The following COL11A1 variants were observed in gnomAD, a reference collection of about 807,000 sequenced individuals.
COL11A1 encodes collagen alpha-1(XI) chain.
In COL11A1, 74 loss-of-function variants were observed where a neutral mutation model predicts 265.2. The observed-to-expected ratio is 0.28, with a 90% CI of 0.23 to 0.34. COL11A1 has a LOEUF of 0.34. Ranked by LOEUF, COL11A1 falls within the 10% of genes least tolerant of loss-of-function variation. The pLI is 1.00. For synonymous variants in COL11A1, 816 were observed against 727.6 expected (o/e 1.12, Z -1.96); for missense variants, 2,165 against 2,263.6 (o/e 0.96, Z 0.88).
intron 55 of COL11A1, 39 bp from the exon 56 acceptor site, chr1:102,898,812 G>T (rs1557790188): frequency 6.4e-7 from 1 of 1,567,236 alleles, no homozygotes; most frequent in Admixed American, 1.7e-5. Flanking sequence ...TTAGTGATGA[G>T]AAAATACTTT....
intron 46 of COL11A1, 76 bp downstream of exon 46, chr1:102,934,371 CTT>C: frequency 1.9e-6 from 2 of 1,030,680 alleles, no homozygotes; most frequent in Admixed American, 3.8e-5. Context: ...GAAAAAAATA[CTT>C]TGTTTTACAT....
At chr1:102,987,332 T>C (rs1248636253) in intron 30 of COL11A1, among the ~76,000 whole-genome samples, 1 of 151,298 alleles carries the variant, frequency 6.6e-6, no homozygotes, top group Non-Finnish European at 1.5e-5. Flanking sequence ...TTTGCTTTAG[T>C]GTATATAATG....
rs747240373 is a variant in COL11A1, at chr1:102,998,372, GA to G, written c.2143-10del. The G allele has an allele frequency of 1.1e-3, 1,593 of 1,447,858 alleles. 1 individual carries two copies. The highest frequency in any genetic ancestry group is 2.0e-3 in the South Asian group (145 of 73,234). The allele number at this position is 1,447,858 out of a possible 1,614,324, so 89.7% of individuals were successfully genotyped here. ...GGTTTTCCTTGTGGTCCCTTATAGAGAAAAAAAAAATATTAAAAAGATAAAA... is the reference window on the plus strand; with the variant it reads ...GGTTTTCCTTGTGGTCCCTTATAGAGAAAAAAAAATATTAAAAAGATAAAA... On this transcript the variant is annotated splice_polypyrimidine_tract_variant and intron_variant, in intron 24 of 66. Transcript: ENST00000370096.
intron 1 of COL11A1, among the ~76,000 whole-genome samples, chr1:103,104,737 G>A (rs191236950): frequency 3.3e-3 from 501 of 152,268 alleles, no homozygotes; most frequent in Admixed American, 6.1e-3. Flanking sequence ...TTATAGTCCT[G>A]ATCAATTTTG....
At chr1:103,031,031 A>G in intron 5 of COL11A1, 85 bp downstream of exon 5, 1 of 1,449,828 alleles carries the variant, frequency 6.9e-7, no homozygotes, top group Non-Finnish European at 9.6e-7. Flanking sequence ...ATTAAAATGG[A>G]ATAAATAAGT....
intron 8 of COL11A1, among the ~76,000 whole-genome samples, 155 bp from the exon 9 acceptor site, chr1:103,021,924 TGCAA>T (rs940667747): frequency 2.6e-5 from 4 of 151,696 alleles, no homozygotes; most frequent in Non-Finnish European, 5.9e-5. Context: ...CTCCGCTCAC[TGCAA>T]GCTCGCCTGC....
At chr1:103,048,562 C>T (rs1669511404) in intron 4 of COL11A1, among the ~76,000 whole-genome samples, 1 of 152,064 alleles carries the variant, frequency 6.6e-6, no homozygotes, top group African/African-American at 2.4e-5. Flanking sequence ...CCTGGACTCA[C>T]TGATTTTTTG....
At chr1:102,991,442 C>T (rs1481861671) in intron 28 of COL11A1, among the ~76,000 whole-genome samples, 2 of 151,428 alleles carry the variant, frequency 1.3e-5, no homozygotes, top group African/African-American at 2.4e-5. Flanking sequence ...CCCTTCACCA[C>T]GTGATCTAGC....
intron 42 of COL11A1, among the ~76,000 whole-genome samples, chr1:102,943,204 G>A (rs948288749): frequency 3.3e-5 from 5 of 151,854 alleles, no homozygotes; most frequent in African/African-American, 1.2e-4. Context: ...TTTTTCTATG[G>A]GTTCCATGCC....
intron 46 of COL11A1, among the ~76,000 whole-genome samples, chr1:102,928,455 A>T (rs991055432): frequency 1.3e-5 from 2 of 152,128 alleles, no homozygotes; most frequent in Admixed American, 6.5e-5. Flanking sequence ...GCTGCATAGT[A>T]TTTCATGGTG....
intron 24 of COL11A1, chr1:103,001,691 G>C (rs1056903382): frequency 2.1e-5 from 12 of 570,996 alleles, no homozygotes; most frequent in African/African-American, 9.4e-5. Context: ...ACATAGCTGA[G>C]AATGCCACAT....
At chr1:102,927,550 G>A (rs183085157) in intron 46 of COL11A1, among the ~76,000 whole-genome samples, 25 of 152,142 alleles carry the variant, frequency 1.6e-4, no homozygotes, top group African/African-American at 5.3e-4. Context: ...CCCCGTCTCC[G>A]GAGAATGGCA....
intron 27 of COL11A1, 36 bp from the exon 28 acceptor site, chr1:102,995,944 C>T (rs2101793564): frequency 2.5e-6 from 4 of 1,611,694 alleles, no homozygotes; most frequent in Non-Finnish European, 3.4e-6. Flanking sequence ...GTGAATATAA[C>T]ATTTCACTTT....
At chr1:103,039,987 C>T (rs1668678109) in intron 4 of COL11A1, among the ~76,000 whole-genome samples, 1 of 151,906 alleles carries the variant, frequency 6.6e-6, no homozygotes, top group Admixed American at 6.6e-5. Context: ...CCCCTCAGTC[C>T]ACTGAAGAAA....
intron 4 of COL11A1, among the ~76,000 whole-genome samples, chr1:103,035,703 T>A (rs535644378): frequency 6.6e-6 from 1 of 152,044 alleles, no homozygotes; most frequent in Admixed American, 6.6e-5. Context: ...AAAATATTCA[T>A]CTAGACAACC....
intron 4 of COL11A1, among the ~76,000 whole-genome samples, chr1:103,046,281 TTTAA>T (rs1335203210): frequency 2.2e-4 from 10 of 45,850 alleles, no homozygotes; most frequent in East Asian, 9.2e-4. Context: ...CCAGCACCTT[TTTAA>T]TGATTGCCAT....
chr1:103,035,615 C>T (rs949644618), intron 4 of COL11A1, among the ~76,000 whole-genome samples: 2 of 151,904 alleles, frequency 1.3e-5, no homozygotes, highest in African/African-American at 4.8e-5. Flanking sequence ...ATGTAATATG[C>T]TAGTATGTCC....
intron 6 of COL11A1, 187 bp from the exon 7 acceptor site, chr1:103,025,800 C>T (rs768645535): frequency 6.2e-7 from 1 of 1,612,908 alleles, no homozygotes; most frequent in African/African-American, 1.3e-5. Context: ...TCTTCGCTAC[C>T]TTTACCCCTA....
At chr1:102,889,057 AT>A (rs1455459677) in intron 59 of COL11A1, 138 bp from the exon 60 acceptor site, 6 of 805,454 alleles carry the variant, frequency 7.4e-6, no homozygotes, top group African/African-American at 6.9e-5. Context: ...TGGCTTAAAC[AT>A]TTTTCCATGG....
Sources: gnomAD v4.1 joint callset for allele counts (sites outside exome capture counted in the v4.1 genomes callset) on GRCh38, gnomAD v4.1.1 for gene constraint, MANE v1.5 for transcripts, NCBI Gene and HGNC (gene_info 2026-07-23, HGNC 2026-07-21) for gene names.